EDF1: variants seen among roughly 807,000 people sequenced by gnomAD.
The protein encoded by EDF1 is endothelial differentiation related factor 1, also known as endothelial differentiation-related factor 1.
EDF1 carries 5 observed loss-of-function variants against 20.8 expected under a neutral mutation model. That is an observed-to-expected ratio of 0.24 (90% CI 0.13 to 0.51). The LOEUF is 0.51. Ranked by LOEUF, EDF1 falls within the 20% of genes least tolerant of loss-of-function variation. The pLI is 0.97. For synonymous variants in EDF1, 96 were observed against 78.5 expected, an observed-to-expected ratio of 1.22 and a Z score of -1.18; for missense variants, 137 against 197.8, an observed-to-expected ratio of 0.69 and a Z score of 1.84.
At position 136,862,510 on chromosome 9, in the gene EDF1, G is replaced by A. The variant is rs768117745; in HGVS notation, c.386-165C>T. On this transcript the variant is annotated intron_variant, in intron 4 of 4. Coordinates refer to ENST00000224073, the MANE Select transcript of EDF1 (RefSeq NM_003792.4). The surrounding 1 kb of genome is among the most constrained non-coding windows in gnomAD (Gnocchi z 4.1). ...TGGTTCCCACATCTAATTTTGAAGA[G>A]GATGAGTCTGATCACCTTAGACAGC... 2 of 1,610,294 alleles carry A rather than the reference G, an allele frequency of 1.2e-6. No homozygotes were observed. Among genetic ancestry groups the A allele is most frequent in the Admixed American group, 1.7e-5 (1 of 59,958 alleles).
At chr9:136,865,913 C>G (rs1207786451) in intron 1 of EDF1, among the ~76,000 whole-genome samples, 1 of 149,264 alleles carries the variant, frequency 6.7e-6, no homozygotes. Context: ...CTCCTCCAGT[C>G]GCCCGCCCCC....
Position 136,862,428 on chromosome 9 carries a change from G to A in EDF1, c.386-83C>T, listed in dbSNP as rs1452932591. ...CTGCCCCTCTTCAACATCTTCCCAGGGAAGGGGGGCCACGCCGCTCCCGTG... is the reference window on the plus strand; with the variant it reads ...CTGCCCCTCTTCAACATCTTCCCAGAGAAGGGGGGCCACGCCGCTCCCGTG... On this transcript the variant is annotated intron_variant, in intron 4 of 4. Coordinates refer to ENST00000224073, the MANE Select transcript of EDF1 (RefSeq NM_003792.4). The surrounding 1 kb of genome is among the most constrained non-coding windows in gnomAD (Gnocchi z 4.1). The A allele has an allele frequency of 6.2e-7, 1 of 1,613,720 alleles. No individual in the cohort carries two copies. The highest frequency in any genetic ancestry group is 8.5e-7 in the Non-Finnish European group (1 of 1,179,964).
In EDF1 at chr9:136,863,472, C is replaced by G. The variant is rs1278139220; in HGVS notation, c.131-24G>C. ...CCCTGGAGTCGGTGTGAGGCAAAAGCAGAGGAGAGGATTTGGAATTAACCT... is the reference window on the plus strand; with the variant it reads ...CCCTGGAGTCGGTGTGAGGCAAAAGGAGAGGAGAGGATTTGGAATTAACCT... On this transcript the variant is annotated intron_variant, in intron 2 of 4. Transcript: ENST00000224073. The surrounding 1 kb of genome is among the most constrained non-coding windows in gnomAD (Gnocchi z 4.5). 2 of 1,603,936 alleles carry G rather than the reference C, an allele frequency of 1.2e-6. No individual in the cohort carries two copies. The highest frequency in any genetic ancestry group is 1.3e-5 in the African/African-American group (1 of 74,724).
rs147966523 is a variant in EDF1 at position 136,863,866 on chromosome 9, G to A, written c.84C>T (p.Ile28=). The part of the protein sequence containing the change: ...TAAQAKSKQA[I]LAAQRRGEDV... ...CTTCTCCTCGTCTCTGTGCCGCTAA[G>A]ATAGCCTAGAAAATTAGAAAACATC... is the stretch of plus-strand genomic sequence containing the variant. The change falls in exon 2 of 5, where the codon ATC becomes ATT. Residue 28 remains isoleucine (I), a synonymous_variant. Transcript: ENST00000224073. The surrounding 1 kb of genome is among the most constrained non-coding windows in gnomAD (Gnocchi z 4.5). The A allele has an allele frequency of 1.2e-4, 200 of 1,613,860 alleles. No homozygotes were observed. The African/African-American group carries it at 2.3e-3, about 18-fold the overall frequency.
chr9:136,863,192 G>C lies in EDF1; in HGVS notation c.291+96C>G, dbSNP rs767380138. The C allele has an allele frequency of 9.0e-6, 14 of 1,548,770 alleles. No homozygotes were observed. Among genetic ancestry groups the C allele is most frequent in the South Asian group, 4.8e-5 (4 of 83,902 alleles). On this transcript the variant is annotated intron_variant, in intron 3 of 4. Transcript: ENST00000224073. This position sits in a 1 kb window ranked among gnomAD's most constrained non-coding sequence, Gnocchi z 4.5. ...GAGGCATTCCCTGCAGGGGAACCAG[G>C]GGGGTGGAGCCCACCCTCCCCGTGC...
Position 136,863,393 on chromosome 9 carries a change from G to A in EDF1, c.186C>T (p.Asp62=), listed in dbSNP as rs765469562. 1 of 1,614,144 alleles carries A rather than the reference G, an allele frequency of 6.2e-7. No individual in the cohort carries two copies. The highest frequency in any genetic ancestry group is 8.5e-7 in the Non-Finnish European group (1 of 1,180,022). The change falls in exon 3 of 5, where the codon GAC becomes GAT. Residue 62 remains aspartate, a synonymous_variant. Transcript: ENST00000224073. The surrounding 1 kb of genome is among the most constrained non-coding windows in gnomAD (Gnocchi z 4.5). ...CATGGTGCAGCTCCTCTGTCTCCCG[G>A]TCCAGCTTGGCCGTGTTCTTGGTAA... The part of the protein sequence containing the change: ...HSITKNTAKL[D]RETEELHHDR...
At chr9:136,865,792 C>G (rs574826659) in intron 1 of EDF1, among the ~76,000 whole-genome samples, 1 of 147,648 alleles carries the variant, frequency 6.8e-6, no homozygotes, top group East Asian at 2.0e-4. Context: ...CCTCTGTCCT[C>G]ACACCTGTCC....
In EDF1 at chr9:136,863,754, C is replaced by T. The variant is rs1230962273; in HGVS notation, c.130+66G>A. 3 of 1,594,270 alleles carry T rather than the reference C, an allele frequency of 1.9e-6. No individual in the cohort carries two copies. The highest frequency in any genetic ancestry group is 1.3e-5 in the African/African-American group (1 of 74,488). On this transcript the variant is annotated intron_variant, in intron 2 of 4. Transcript: ENST00000224073. This position sits in a 1 kb window ranked among gnomAD's most constrained non-coding sequence, Gnocchi z 4.5. ...ACGTCCCCGGGGGCGCCGCACACACCACACCCACCAGCACATGGACCCCAC... is the reference window on the plus strand; with the variant it reads ...ACGTCCCCGGGGGCGCCGCACACACTACACCCACCAGCACATGGACCCCAC...
intron 1 of EDF1, among the ~76,000 whole-genome samples, chr9:136,865,952 G>A (rs1377412471): frequency 8.9e-6 from 1 of 112,374 alleles, no homozygotes; most frequent in South Asian, 2.7e-4. Flanking sequence ...ATCCCCTCCT[G>A]GGTCCGCCCC....
At chr9:136,865,459 G>T (rs1388641386) in intron 1 of EDF1, among the ~76,000 whole-genome samples, 1 of 151,908 alleles carries the variant, frequency 6.6e-6, no homozygotes, top group Non-Finnish European at 1.5e-5. Flanking sequence ...AACTCTCAGG[G>T]AGGAGCCTAC....
In EDF1 at chr9:136,866,289, C is replaced by T; in HGVS notation, c.-31G>A. ...GCGAAGACGAGCGTCCGTCCGGCGG[C>T]TCAGCGGCAGCTGCTAGAGACCTGG... On this transcript the variant is annotated 5_prime_UTR_variant, in exon 1 of 5. Coordinates refer to ENST00000224073, the MANE Select transcript of EDF1 (RefSeq NM_003792.4). 1 of 1,591,158 alleles carries T rather than the reference C, an allele frequency of 6.3e-7. No individual in the cohort carries two copies. The highest frequency in any genetic ancestry group is 1.7e-4 in the Middle Eastern group (1 of 6,008).
chr9:136,865,865 C>G (rs927382700), intron 1 of EDF1, among the ~76,000 whole-genome samples: 1 of 134,284 alleles, frequency 7.4e-6, no homozygotes, highest in South Asian at 2.8e-4. Context: ...CCGGCCCTAT[C>G]GCCTGCCCCT....
chr9:136,865,542 C>G (rs1402448457), intron 1 of EDF1, among the ~76,000 whole-genome samples: 1 of 151,748 alleles, frequency 6.6e-6, no homozygotes, highest in Non-Finnish European at 1.5e-5. Context: ...AGGCCCTCAA[C>G]TGCTGTCCAA....
At position 136,863,122 on chromosome 9, in the gene EDF1, G is replaced by A; in HGVS notation, c.292-123C>T. The stretch of plus-strand genomic sequence containing the variant: ...TGGGGTACGCACCCACACGCAGCTG[G>A]GTTTTGTGCGAGAGGCAGTGAGAGC... On this transcript the variant is annotated intron_variant, in intron 3 of 4. Transcript: ENST00000224073. The surrounding 1 kb of genome is among the most constrained non-coding windows in gnomAD (Gnocchi z 4.5). The A allele has an allele frequency of 6.6e-7, 1 of 1,519,094 alleles. No homozygotes were observed. Among genetic ancestry groups the A allele is most frequent in the Non-Finnish European group, 9.0e-7 (1 of 1,111,354 alleles). The allele number at this position is 1,519,094 out of a possible 1,614,324, so 94.1% of individuals were successfully genotyped here.
Position 136,863,083 on chromosome 9 carries a change from G to C in EDF1, c.292-84C>G. 6.4e-7 allele frequency: 1 copy of C among 1,569,466 alleles called. No homozygotes were observed. The highest frequency in any genetic ancestry group is 1.1e-5 in the South Asian group (1 of 90,186). On this transcript the variant is annotated intron_variant, in intron 3 of 4. Coordinates refer to ENST00000224073, the MANE Select transcript of EDF1 (RefSeq NM_003792.4). The surrounding 1 kb of genome is among the most constrained non-coding windows in gnomAD (Gnocchi z 4.5). ...CGCGAAGCGTCGCCTGAGAACAGCA[G>C]CTTCTAGGGCCCCTGGGGTACGCAC...
chr9:136,863,176 C>A lies in EDF1; in HGVS notation c.291+112G>T. On this transcript the variant is annotated intron_variant, in intron 3 of 4. Coordinates refer to ENST00000224073, the MANE Select transcript of EDF1 (RefSeq NM_003792.4). This position sits in a 1 kb window ranked among gnomAD's most constrained non-coding sequence, Gnocchi z 4.5. ...GCTGACCTGGCTTCCCGAGGCATTC[C>A]CTGCAGGGGAACCAGGGGGGTGGAG... The A allele has an allele frequency of 6.5e-7, 1 of 1,540,150 alleles. No individual in the cohort carries two copies. The highest frequency in any genetic ancestry group is 1.4e-5 in the African/African-American group (1 of 73,704).
At chr9:136,866,035 G>T in intron 1 of EDF1, 146 bp downstream of exon 1, 1 of 554,178 alleles carries the variant, frequency 1.8e-6, no homozygotes, top group Non-Finnish European at 2.5e-6. Flanking sequence ...ACCCCGTCCT[G>T]CCCCCGGCAC....
chr9:136,862,540 C>G lies in EDF1; in HGVS notation c.386-195G>C. 2 of 1,601,764 alleles carry G rather than the reference C, an allele frequency of 1.2e-6. No individual in the cohort carries two copies. Among genetic ancestry groups the G allele is most frequent in the Non-Finnish European group, 1.7e-6 (2 of 1,178,150 alleles). On this transcript the variant is annotated intron_variant, in intron 4 of 4. Coordinates refer to ENST00000224073, the MANE Select transcript of EDF1 (RefSeq NM_003792.4). This position sits in a 1 kb window ranked among gnomAD's most constrained non-coding sequence, Gnocchi z 4.1. ...AGTCTGATCACCTTAGACAGCAGAG[C>G]ATGAACACCCCTCTCCGGAAGAACC...
intron 1 of EDF1, 95 bp downstream of exon 1, chr9:136,866,086 C>T: frequency 7.6e-7 from 1 of 1,320,042 alleles, no homozygotes; most frequent in Non-Finnish European, 1.0e-6. Flanking sequence ...TCCCAGGCCC[C>T]GCCTGCCCTT....
Sources: allele counts gnomAD v4.1 joint callset (sites outside exome capture counted in the v4.1 genomes callset), GRCh38; gene constraint gnomAD v4.1.1; non-coding constraint Gnocchi (gnomAD v3.1); transcripts MANE v1.5; gene names NCBI Gene and HGNC (gene_info 2026-07-23, HGNC 2026-07-21).